The following RXRA variants were observed in gnomAD, a reference collection of about 807,000 sequenced individuals.
RXRA encodes retinoid X receptor alpha, also known as retinoic acid receptor RXR-alpha.
RXRA carries 5 observed loss-of-function variants against 44.5 expected under a neutral mutation model. The observed-to-expected ratio is 0.11, with a 90% CI of 0.06 to 0.24. RXRA has a LOEUF of 0.24. Ranked by LOEUF, RXRA falls within the 10% of genes least tolerant of loss-of-function variation. RXRA has a pLI of 1.00. For missense variants in RXRA, 412 were observed against 646.5 expected (o/e 0.64, Z 3.93); for synonymous variants, 291 against 271.4 (o/e 1.07, Z -0.71).
intron 7 of RXRA, among the ~76,000 whole-genome samples, chr9:134,430,339 T>C (rs1831513013): frequency 6.6e-6 from 1 of 151,698 alleles, no homozygotes; most frequent in Admixed American, 6.6e-5. Flanking sequence ...GAGCCGTGGG[T>C]GGGGAGGAGC....
In RXRA at chr9:134,365,998, G is replaced by A. The variant is rs374140303; in HGVS notation, c.29-35634G>A. Among the ~76,000 whole-genome samples the A allele has an allele frequency of 1.3e-4, 20 of 152,086 alleles. No homozygotes were observed. Among genetic ancestry groups the A allele is most frequent in the Non-Finnish European group, 2.8e-4 (19 of 68,010 alleles). ...GGAGCCGCCTGTCTTTGCAGGAGCC[G>A]CGGGGATCATCTGGCGGCTGCCTCC... On this transcript the variant is annotated intron_variant, in intron 1 of 9. Transcript: ENST00000481739. This position sits in a 1 kb window ranked among gnomAD's most constrained non-coding sequence, Gnocchi z 4.0.
At chr9:134,329,601 G>A (rs1416417821) in intron 1 of RXRA, among the ~76,000 whole-genome samples, 2 of 152,050 alleles carry the variant, frequency 1.3e-5, no homozygotes, top group Non-Finnish European at 1.5e-5. Flanking sequence ...GGTGCTCTGA[G>A]TCCCTTGGGG....
In RXRA at chr9:134,359,272, G is replaced by T. The variant is rs541044414; in HGVS notation, c.28+32613G>T. 2.6e-5 allele frequency among the ~76,000 whole-genome samples: 4 copies of T among 152,230 alleles called. No individual in the cohort carries two copies. The Middle Eastern group carries it at 0.014, about 518-fold the overall frequency. The stretch of plus-strand genomic sequence containing the variant: ...CCACCTGCCTTTGGGGTCCTCAGGC[G>T]TTGGCTGTGAGATGGGTGTGCTGCT... On this transcript the variant is annotated intron_variant, in intron 1 of 9. Transcript: ENST00000481739.
chr9:134,348,376 C>T (rs928959766), intron 1 of RXRA, among the ~76,000 whole-genome samples: 2 of 152,154 alleles, frequency 1.3e-5, no homozygotes, highest in East Asian at 1.9e-4. Context: ...CATCGTGGTG[C>T]GATGATCTTC....
chr9:134,332,207 G>A (rs1835016333), intron 1 of RXRA, among the ~76,000 whole-genome samples: 1 of 152,228 alleles, frequency 6.6e-6, no homozygotes, highest in Non-Finnish European at 1.5e-5. Flanking sequence ...TGGAACTGTG[G>A]CTTGCCCACC....
At chr9:134,352,574 C>A (rs1830234685) in intron 1 of RXRA, among the ~76,000 whole-genome samples, 1 of 152,190 alleles carries the variant, frequency 6.6e-6, no homozygotes, top group Admixed American at 6.5e-5. Context: ...ACCACCCAGC[C>A]TCCTGCTGGC....
intron 1 of RXRA, chr9:134,379,845 C>T (rs2119098836): frequency 1.0e-6 from 1 of 985,268 alleles, no homozygotes; most frequent in Non-Finnish European, 1.2e-6. Context: ...GTGGGAGGGG[C>T]AGTGGCCCTG....
intron 4 of RXRA, among the ~76,000 whole-genome samples, chr9:134,413,975 G>C (rs3118535): frequency 0.048 from 7,264 of 152,262 alleles, 253 homozygotes; most frequent in Non-Finnish European, 0.073. Context: ...CTCTGGTCTG[G>C]AGGGTAAAGA....
intron 1 of RXRA, among the ~76,000 whole-genome samples, chr9:134,375,199 G>T (rs774625049): frequency 4.6e-5 from 7 of 152,238 alleles, no homozygotes; most frequent in African/African-American, 9.6e-5. Context: ...GCATGTTCAA[G>T]GCTAGAGGCG....
In RXRA at chr9:134,366,886, C is replaced by G. The variant is rs1407193626; in HGVS notation, c.29-34746C>G. ...CAGTCGGAACGTGGTGGAAAGGCGC[C>G]AGGCAGGCTGAGTCGGAGATGTCCC... On this transcript the variant is annotated intron_variant, in intron 1 of 9. Coordinates refer to ENST00000481739, the MANE Select transcript of RXRA (RefSeq NM_002957.6). This position sits in a 1 kb window ranked among gnomAD's most constrained non-coding sequence, Gnocchi z 5.9. Among the ~76,000 whole-genome samples the G allele has an allele frequency of 6.6e-6, 1 of 152,166 alleles. No individual in the cohort carries two copies. The highest frequency in any genetic ancestry group is 6.5e-5 in the Admixed American group (1 of 15,274).
chr9:134,363,688 TCTGC>T (rs1229610405), intron 1 of RXRA, among the ~76,000 whole-genome samples: 18 of 152,182 alleles, frequency 1.2e-4, no homozygotes, highest in Non-Finnish European at 2.4e-4. Flanking sequence ...TTGGCTGCTG[TCTGC>T]CTGAGCACTG....
chr9:134,422,456 C>G (rs1564295057), intron 6 of RXRA: 2 of 1,266,852 alleles, frequency 1.6e-6, no homozygotes, highest in South Asian at 2.6e-5. Flanking sequence ...ACTCCCTACT[C>G]CCGGGACACA....
intron 1 of RXRA, among the ~76,000 whole-genome samples, chr9:134,385,519 C>T (rs955165522): frequency 6.6e-6 from 1 of 152,340 alleles, no homozygotes; most frequent in African/African-American, 2.4e-5. Context: ...CTGCGTCCCC[C>T]ACGCCCCCAC....
chr9:134,409,214 T>C (rs1003267043), intron 4 of RXRA, 95 bp downstream of exon 4: 4 of 1,255,950 alleles, frequency 3.2e-6, no homozygotes, highest in Admixed American at 5.7e-5. Context: ...CAACAGGGAG[T>C]GAGTGGCCTG....
chr9:134,436,361 A>C, intron 9 of RXRA, 106 bp from the exon 10 acceptor site: 1 of 1,113,292 alleles, frequency 9.0e-7, no homozygotes, highest in Non-Finnish European at 1.3e-6. Context: ...CCAGCCTCAG[A>C]GGGGTTGGGG....
In RXRA at chr9:134,426,181, T is replaced by A. The variant is rs749919625; in HGVS notation, c.911-2927T>A. On this transcript the variant is annotated intron_variant, in intron 6 of 9. Transcript: ENST00000481739. The surrounding 1 kb of genome is among the most constrained non-coding windows in gnomAD (Gnocchi z 4.6). ...TTTGTCCTGCGCTTGGAGCCTGGAG[T>A]AAGACCTGGTATCCTCTGCATCACT... 2.2e-5 allele frequency: 22 copies of A among 985,100 alleles called. No homozygotes were observed. Among genetic ancestry groups the A allele is most frequent in the African/African-American group, 5.2e-5 (3 of 57,144 alleles). 61.0% of individuals were successfully genotyped at this position (985,100 alleles called of 1,614,324 possible). A position where few individuals can be genotyped will look rare whatever the true frequency, so the allele number is the denominator to read the frequency against.
chr9:134,329,589 C>T (rs782165557), intron 1 of RXRA, among the ~76,000 whole-genome samples: 32 of 152,066 alleles, frequency 2.1e-4, no homozygotes, highest in Non-Finnish European at 4.1e-4. Context: ...TGGTGGGGGG[C>T]GGGTGCTCTG....
chr9:134,369,365 G>C (rs1428992350), intron 1 of RXRA, among the ~76,000 whole-genome samples: 7 of 116,346 alleles, frequency 6.0e-5, no homozygotes, highest in Non-Finnish European at 1.2e-4. Flanking sequence ...GGTTGTGTGT[G>C]TGTGCGGGGG....
Position 134,421,728 on chromosome 9 carries a change from C to A in RXRA, c.833C>A (p.Thr278Asn). The A allele has an allele frequency of 1.3e-6, 2 of 1,588,264 alleles. No homozygotes were observed. The highest frequency in any genetic ancestry group is 8.6e-7 in the Non-Finnish European group (1 of 1,161,944). Residue 278 changes from threonine (T) to asparagine (N), a missense_variant, in exon 6 of 10, where the codon ACC becomes AAC. By Grantham distance (65) the Thr-to-Asn change is moderately conservative. Transcript: ENST00000481739. ...ICQAADKQLF[T>N]LVEWAKRIPH... ...CAAGCAGCCGACAAACAGCTTTTCA[C>A]CCTGGTGGAGTGGGCCAAGCGGATC... is the stretch of plus-strand genomic sequence containing the variant.
Sources: gnomAD v4.1 joint callset for allele counts (sites outside exome capture counted in the v4.1 genomes callset) on GRCh38, gnomAD v4.1.1 for gene constraint, Gnocchi (gnomAD v3.1) non-coding constraint, MANE v1.5 for transcripts, NCBI Gene and HGNC (gene_info 2026-07-23, HGNC 2026-07-21) for gene names.